The following TPR variants were observed in gnomAD, a reference collection of about 807,000 sequenced individuals.
TPR encodes the protein translocated promoter region, nuclear basket protein.
A neutral mutation model predicts 316.1 loss-of-function variants in TPR; 51 were observed. The observed-to-expected ratio is 0.16, with a 90% CI of 0.13 to 0.20. TPR has a LOEUF of 0.20. Ranked by LOEUF, TPR falls within the 10% of genes least tolerant of loss-of-function variation. TPR has a pLI of 1.00. For missense variants in TPR, 2,272 were observed against 2,754.8 expected (o/e 0.82, Z 3.92); for synonymous variants, 981 against 914.7 (o/e 1.07, Z -1.31).
intron 46 of TPR, among the ~76,000 whole-genome samples, chr1:186,319,095 A>G (rs966785392): frequency 6.6e-6 from 1 of 152,078 alleles, no homozygotes; most frequent in Non-Finnish European, 1.5e-5. Flanking sequence ...GGCTCAAGTG[A>G]TCCTCCCACC....
At chr1:186,351,860 C>A in intron 19 of TPR, 116 bp downstream of exon 19, 1 of 1,195,166 alleles carries the variant, frequency 8.4e-7, no homozygotes. Flanking sequence ...ATTCAATGAT[C>A]ATAATGGATG....
rs751586838 is a variant in TPR at position 186,312,748 on chromosome 1, T to C, written c.*1223A>G. On this transcript the variant is annotated 3_prime_UTR_variant, in exon 51 of 51. Coordinates refer to ENST00000367478, the MANE Select transcript of TPR (RefSeq NM_003292.3). Reference sequence around the variant, plus strand: ...CATTGCCTTTTAATCTGGTATCTTTTATTAAACATGCCACTTACAGGTGTC... The same window carrying C: ...CATTGCCTTTTAATCTGGTATCTTTCATTAAACATGCCACTTACAGGTGTC... The C allele has an allele frequency of 1.2e-5, 19 of 1,610,586 alleles. No homozygotes were observed. The South Asian group carries it at 1.9e-4, about 16-fold the overall frequency.
In TPR at chr1:186,313,578, A is replaced by T; in HGVS notation, c.*393T>A. 1 of 745,564 alleles carries T rather than the reference A, an allele frequency of 1.3e-6. No homozygotes were observed. Among genetic ancestry groups the T allele is most frequent in the Non-Finnish European group, 2.4e-6 (1 of 420,520 alleles). 46.2% of individuals were successfully genotyped at this position (745,564 alleles called of 1,614,324 possible). A position where few individuals can be genotyped will look rare whatever the true frequency, so the allele number is the denominator to read the frequency against. The stretch of plus-strand genomic sequence containing the variant: ...TTAATTAGTAAAAACATCTCTATTA[A>T]AATGATAAACATTGTCTTTGAGCAT... On this transcript the variant is annotated 3_prime_UTR_variant, in exon 51 of 51. Coordinates refer to ENST00000367478, the MANE Select transcript of TPR (RefSeq NM_003292.3).
chr1:186,353,076 A>G (rs1658911482), intron 18 of TPR, among the ~76,000 whole-genome samples: 1 of 152,148 alleles, frequency 6.6e-6, no homozygotes. Flanking sequence ...GCAAGAATGA[A>G]TAACATATTC....
At chr1:186,356,922 A>G (rs1250877687) in intron 14 of TPR, among the ~76,000 whole-genome samples, 4 of 152,134 alleles carry the variant, frequency 2.6e-5, no homozygotes, top group Admixed American at 1.3e-4. Context: ...TTTATTATCT[A>G]TTTATTACAT....
chr1:186,355,256 C>A (rs1658989040), intron 17 of TPR, among the ~76,000 whole-genome samples, 154 bp downstream of exon 17: 1 of 151,890 alleles, frequency 6.6e-6, no homozygotes, highest in South Asian at 2.1e-4. Flanking sequence ...AATCATTAAT[C>A]AATATGAAAA....
intron 21 of TPR, 60 bp from the exon 22 acceptor site, chr1:186,347,518 T>C: frequency 1.3e-6 from 2 of 1,529,080 alleles, no homozygotes; most frequent in Admixed American, 1.9e-5. Context: ...AGATGACTGT[T>C]ATAAAGAGCT....
rs755686036 is a variant in TPR, at chr1:186,337,173, T to C, written c.4363-17A>G. ...CTCCATAACCTAAGACAACAAACAG[T>C]AATAATACACTCACATATTTATATT... On this transcript the variant is annotated splice_polypyrimidine_tract_variant and intron_variant, in intron 31 of 50. Coordinates refer to ENST00000367478, the MANE Select transcript of TPR (RefSeq NM_003292.3). 9 of 1,605,368 alleles carry C rather than the reference T, an allele frequency of 5.6e-6. No individual in the cohort carries two copies. The Admixed American group carries it at 1.5e-4, about 27-fold the overall frequency.
intron 18 of TPR, 62 bp from the exon 19 acceptor site, chr1:186,352,172 T>C: frequency 1.4e-6 from 2 of 1,458,992 alleles, no homozygotes; most frequent in South Asian, 2.9e-5. Context: ...TGTATTAAGA[T>C]TATAAAATTA....
chr1:186,364,394 AAG>A (rs1270430503), intron 4 of TPR, among the ~76,000 whole-genome samples: 5 of 152,214 alleles, frequency 3.3e-5, no homozygotes, highest in African/African-American at 1.2e-4. Context: ...AAAAAAAAAA[AAG>A]AAATAAAAAG....
In TPR at chr1:186,359,861, C is replaced by G. The variant is rs577664213; in HGVS notation, c.1327G>C (p.Glu443Gln). ...KAPILKRQRE[E>Q]YERAQKAVAS... is the part of the protein sequence containing the mutation. ...ACAGCTTTCTGTGCACGTTCATATT[C>G]CTCACGCTGGCGTTTCAAAATTGGT... Residue 443 changes from glutamate (E) to glutamine (Q), a missense_variant, in exon 12 of 51, where the codon GAA (glutamate) becomes CAA (glutamine). This residue lies in a region of TPR where 549 missense variants were observed against 598.6 expected (regional missense o/e 0.92). Coordinates refer to ENST00000367478, the MANE Select transcript of TPR (RefSeq NM_003292.3). The G allele has an allele frequency of 1.2e-6, 2 of 1,604,228 alleles. No individual in the cohort carries two copies. The highest frequency in any genetic ancestry group is 1.8e-5 in the Admixed American group (1 of 56,786).
intron 29 of TPR, among the ~76,000 whole-genome samples, chr1:186,339,977 A>G (rs1658464382): frequency 6.6e-6 from 1 of 152,218 alleles, no homozygotes; most frequent in Non-Finnish European, 1.5e-5. Context: ...GGAAAAAAAA[A>G]TAAAATGTCA....
Position 186,355,689 on chromosome 1 carries a change from T to G in TPR, c.1968A>C (p.Pro656=). The G allele has an allele frequency of 6.2e-7, 1 of 1,614,144 alleles. No individual in the cohort carries two copies. The highest frequency in any genetic ancestry group is 1.3e-5 in the African/African-American group (1 of 75,062). ...STSQTVSTPA[P]VPVIESTEAI... ...CCTCTGTTGATTCAATAACAGGTAC[T>G]GGAGCAGGAGTGGAAACAGTCTGTG... Residue 656 remains proline (P), a synonymous_variant, in exon 16 of 51, where the codon CCA becomes CCC. Coordinates refer to ENST00000367478, the MANE Select transcript of TPR (RefSeq NM_003292.3).
In TPR at chr1:186,322,854, A is replaced by G. The variant is rs1312188452; in HGVS notation, c.6298-268T>C. On this transcript the variant is annotated intron_variant, in intron 43 of 50. Coordinates refer to ENST00000367478, the MANE Select transcript of TPR (RefSeq NM_003292.3). ...ATACTTAAAACAGATCTATGATACC[A>G]TCTTGTATGTAAACAAATTTAATTC... is the stretch of plus-strand genomic sequence containing the variant. 6.6e-5 allele frequency among the ~76,000 whole-genome samples: 10 copies of G among 152,248 alleles called. No individual in the cohort carries two copies. The East Asian group carries it at 1.9e-3, about 29-fold the overall frequency.
intron 18 of TPR, 52 bp downstream of exon 18, chr1:186,353,636 A>T: frequency 6.4e-7 from 1 of 1,574,130 alleles, no homozygotes; most frequent in Non-Finnish European, 8.6e-7. Flanking sequence ...AAAACTAAAG[A>T]AATGTCAAAT....
At chr1:186,349,633 C>A (rs1658794440) in intron 21 of TPR, among the ~76,000 whole-genome samples, 1 of 150,998 alleles carries the variant, frequency 6.6e-6, no homozygotes, top group Non-Finnish European at 1.5e-5. Context: ...GCACTCCAAC[C>A]TGGGCAACAG....
In TPR at chr1:186,351,850, A is replaced by G; in HGVS notation, c.2469+126T>C. ...TTTAAATGTCTTAATAAACTGCAAA[A>G]TTCAATGATCATAATGGATGACAAA... is the stretch of plus-strand genomic sequence containing the variant. On this transcript the variant is annotated intron_variant, in intron 19 of 50. Coordinates refer to ENST00000367478, the MANE Select transcript of TPR (RefSeq NM_003292.3). 4 of 1,114,252 alleles carry G rather than the reference A, an allele frequency of 3.6e-6. No homozygotes were observed. The South Asian group carries it at 6.6e-5, about 18-fold the overall frequency. 69.0% of individuals were successfully genotyped at this position (1,114,252 alleles called of 1,614,324 possible).
chr1:186,374,872 A>C lies in TPR; in HGVS notation c.151+6T>G. 1 of 1,592,592 alleles carries C rather than the reference A, an allele frequency of 6.3e-7. No homozygotes were observed. The highest frequency in any genetic ancestry group is 8.6e-7 in the Non-Finnish European group (1 of 1,163,058). On this transcript the variant is annotated splice_donor_region_variant and intron_variant, in intron 1 of 50. Transcript: ENST00000367478. The stretch of plus-strand genomic sequence containing the variant: ...AAACCAAGGACGGAAAGAGCATCTC[A>C]CTTACCGCTCTCCACCTTAAATTTC...
rs1015280192 is a variant in TPR, at chr1:186,361,036, A to G, written c.959-131T>C. On this transcript the variant is annotated intron_variant, in intron 9 of 50. Coordinates refer to ENST00000367478, the MANE Select transcript of TPR (RefSeq NM_003292.3). ...TTCTAGAGAGGCTTCAGCTGACAGT[A>G]TCTATTGAAAGTTCTTGCTCTACTT... 4.2e-6 allele frequency: 4 copies of G among 956,248 alleles called. No individual in the cohort carries two copies. In the African/African-American group the frequency reaches 6.7e-5, roughly 16 times the overall value. 59.2% of individuals were successfully genotyped at this position (956,248 alleles called of 1,614,324 possible). A position where few individuals can be genotyped will look rare whatever the true frequency, so the allele number is the denominator to read the frequency against.
Sources: allele counts gnomAD v4.1 joint callset (sites outside exome capture counted in the v4.1 genomes callset), GRCh38; gene constraint gnomAD v4.1.1; regional missense constraint gnomAD v4.1.1; transcripts MANE v1.5; gene names NCBI Gene and HGNC (gene_info 2026-07-23, HGNC 2026-07-21).